Variants in ARB2A observed in about 807,000 individuals in gnomAD.
ARB2A encodes cotranscriptional regulator ARB2A.
At chr5:93,957,786 A>G in the ARB2A span, among the ~76,000 whole-genome samples, 8 of 152,044 alleles carry the variant, frequency 5.3e-5, no homozygotes, top group African/African-American at 1.9e-4. Context: ...GTTACCTTTG[A>G]CTTTTGTAAT....
At chr5:94,014,665 G>T in the ARB2A span, among the ~76,000 whole-genome samples, 1 of 151,764 alleles carries the variant, frequency 6.6e-6, no homozygotes, top group African/African-American at 2.4e-5. Flanking sequence ...AAGCAATTCA[G>T]AAATTTATCA....
the ARB2A span, among the ~76,000 whole-genome samples, chr5:93,726,125 T>A: frequency 6.6e-6 from 1 of 152,126 alleles, no homozygotes; most frequent in Non-Finnish European, 1.5e-5. Context: ...GATCTTCCTA[T>A]GTGCAATATC....
the ARB2A span, among the ~76,000 whole-genome samples, chr5:93,844,453 A>T: frequency 6.6e-6 from 1 of 152,284 alleles, no homozygotes; most frequent in East Asian, 1.9e-4. Flanking sequence ...AAAGAAAAAA[A>T]AAATCAAAAG....
chr5:94,054,202 T>C, the ARB2A span, among the ~76,000 whole-genome samples: 1,902 of 152,298 alleles, frequency 0.012, 45 homozygotes, highest in African/African-American at 0.043. Flanking sequence ...AAGACACCAA[T>C]ATTGGTACAT....
chr5:93,783,842 T>C, the ARB2A span, among the ~76,000 whole-genome samples: 1 of 152,154 alleles, frequency 6.6e-6, no homozygotes, highest in Non-Finnish European at 1.5e-5. Context: ...GAAGCTTTCT[T>C]AGCCTGAGGC....
the ARB2A span, chr5:93,739,999 A>AG: frequency 6.6e-6 from 1 of 150,510 alleles, no homozygotes; most frequent in Non-Finnish European, 1.5e-5. Context: ...TAAATCAGAA[A>AG]AAAAAAAAAA....
At chr5:94,101,307 T>C in the ARB2A span, among the ~76,000 whole-genome samples, 1 of 152,138 alleles carries the variant, frequency 6.6e-6, no homozygotes, top group East Asian at 1.9e-4. Context: ...AAATAACAGA[T>C]GCCTGCGAAG....
the ARB2A span, among the ~76,000 whole-genome samples, chr5:93,784,805 T>C: frequency 6.6e-6 from 1 of 152,202 alleles, no homozygotes; most frequent in African/African-American, 2.4e-5. Context: ...AGGGTTTCTT[T>C]TACAAGTTTC....
the ARB2A span, chr5:93,738,022 G>T: frequency 7.7e-6 from 3 of 391,830 alleles, no homozygotes; most frequent in Non-Finnish European, 1.5e-5. Context: ...AGTCAAAAGA[G>T]TAAAAGGACA....
the ARB2A span, among the ~76,000 whole-genome samples, chr5:93,766,402 A>G: frequency 6.6e-6 from 1 of 152,204 alleles, no homozygotes; most frequent in Non-Finnish European, 1.5e-5. Context: ...ACTTCTCAAA[A>G]GAAGACATTT....
chr5:94,010,579 T>C, the ARB2A span, among the ~76,000 whole-genome samples: 1 of 152,116 alleles, frequency 6.6e-6, no homozygotes, highest in Non-Finnish European at 1.5e-5. Context: ...TAATTCCTTT[T>C]CATCATTTAT....
chr5:93,804,887 G>A, the ARB2A span: 1 of 895,194 alleles, frequency 1.1e-6, no homozygotes, highest in Non-Finnish European at 1.3e-6. Flanking sequence ...AAAAATCAAA[G>A]TTACAATTAA....
the ARB2A span, among the ~76,000 whole-genome samples, chr5:93,930,076 A>C: frequency 1.5e-4 from 23 of 152,184 alleles, no homozygotes; most frequent in Admixed American, 8.5e-4. Flanking sequence ...ACATATCAAT[A>C]CTTTATCTCT....
chr5:93,923,447 G>A, the ARB2A span, among the ~76,000 whole-genome samples: 19 of 152,086 alleles, frequency 1.2e-4, no homozygotes, highest in African/African-American at 4.3e-4. Context: ...TCAACTGCAG[G>A]AATTGTGGGT....
the ARB2A span, among the ~76,000 whole-genome samples, chr5:94,068,829 AT>A: frequency 6.7e-6 from 1 of 148,312 alleles, no homozygotes; most frequent in African/African-American, 2.5e-5. Flanking sequence ...CCAGCCTGGC[AT>A]ACATGGTGAA....
At chr5:93,955,370 C>T in the ARB2A span, among the ~76,000 whole-genome samples, 4 of 151,964 alleles carry the variant, frequency 2.6e-5, no homozygotes, top group Admixed American at 1.3e-4. Flanking sequence ...AAGCTCAGTC[C>T]ACCATGTTAT....
At chr5:93,683,929 CTG>C in the ARB2A span, among the ~76,000 whole-genome samples, 3 of 151,974 alleles carry the variant, frequency 2.0e-5, no homozygotes, top group South Asian at 4.1e-4. Context: ...TTTAAAGAAA[CTG>C]TATTATATTT....
chr5:94,082,726 C>T, the ARB2A span, among the ~76,000 whole-genome samples: 1 of 151,812 alleles, frequency 6.6e-6, no homozygotes, highest in Non-Finnish European at 1.5e-5. Context: ...CTAGAATTTC[C>T]CAATTCTTTA....
At chr5:93,803,974 C>T in the ARB2A span, among the ~76,000 whole-genome samples, 1 of 151,910 alleles carries the variant, frequency 6.6e-6, no homozygotes, top group Admixed American at 6.6e-5. Context: ...GTTATTATTC[C>T]TACAAGGTCA....
Sources: gnomAD v4.1 joint callset for allele counts (sites outside exome capture counted in the v4.1 genomes callset) on GRCh38, gnomAD v4.1.1 for gene constraint, MANE v1.5 for transcripts, NCBI Gene and HGNC (gene_info 2026-07-23, HGNC 2026-07-21) for gene names.